Variants in KCNIP4 observed in about 807,000 individuals in gnomAD.
KCNIP4 encodes the protein Kv channel-interacting protein 4.
A neutral mutation model predicts 34.0 loss-of-function variants in KCNIP4; 12 were observed. The ratio of observed to expected loss-of-function variants is 0.35; its 90% CI spans 0.23 to 0.57. The LOEUF (loss-of-function observed/expected upper bound fraction) is 0.57, where lower values mean the gene tolerates loss of function less well. KCNIP4 is among the 20% of genes least tolerant of loss of function. The pLI is 0.83. For synonymous variants in KCNIP4, 124 were observed against 102.2 expected, an observed-to-expected ratio of 1.21 and a Z score of -1.29; for missense variants, 238 against 311.7, an observed-to-expected ratio of 0.76 and a Z score of 1.78.
At chr4:21,895,133 A>T (rs139035565) in intron 1 of KCNIP4, among the ~76,000 whole-genome samples, 1 of 152,276 alleles carries the variant, frequency 6.6e-6, no homozygotes, top group East Asian at 1.9e-4. Flanking sequence ...TTTGATATAG[A>T]TGTCTTGCTA....
intron 1 of KCNIP4, among the ~76,000 whole-genome samples, chr4:21,506,560 T>C (rs540271171): frequency 6.6e-6 from 1 of 152,240 alleles, no homozygotes; most frequent in Non-Finnish European, 1.5e-5. Flanking sequence ...TTTATTCCTG[T>C]CACATCCATT....
chr4:21,787,780 CATT>C (rs1177311168), intron 1 of KCNIP4, among the ~76,000 whole-genome samples: 1 of 152,110 alleles, frequency 6.6e-6, no homozygotes. Context: ...TTGCCTCCAT[CATT>C]AATTGTTCCT....
chr4:21,390,553 A>G (rs1722471699), intron 1 of KCNIP4, among the ~76,000 whole-genome samples: 1 of 152,312 alleles, frequency 6.6e-6, no homozygotes, highest in Middle Eastern at 3.4e-3. Context: ...CATTTATTAA[A>G]TAGGGAATCC....
intron 1 of KCNIP4, among the ~76,000 whole-genome samples, chr4:21,262,831 A>C (rs1178316242): frequency 1.3e-5 from 2 of 152,194 alleles, no homozygotes; most frequent in African/African-American, 4.8e-5. Flanking sequence ...TATATATTGA[A>C]TTTCTTGTTC....
chr4:21,158,886 T>A (rs546862954), intron 1 of KCNIP4, among the ~76,000 whole-genome samples: 13 of 152,238 alleles, frequency 8.5e-5, no homozygotes, highest in Admixed American at 7.8e-4. Flanking sequence ...GAAATCTACA[T>A]AAATATCTAA....
At position 20,894,666 on chromosome 4, in the gene KCNIP4, A is replaced by G. The variant is rs910176897; in HGVS notation, c.62-11957T>C. Among the ~76,000 whole-genome samples, 3 of 152,234 alleles carry G rather than the reference A, an allele frequency of 2.0e-5. No individual in the cohort carries two copies. In the South Asian group the frequency reaches 6.2e-4, roughly 32 times the overall value. ...TTTTTAGCAGAGGAATGATATCATC[A>G]TATAATGTTTTATTCAACAACATTA... is the stretch of plus-strand genomic sequence containing the variant. On this transcript the variant is annotated intron_variant, in intron 1 of 8. Coordinates refer to ENST00000382152, the MANE Select transcript of KCNIP4 (RefSeq NM_025221.6).
At chr4:21,176,360 C>T (rs1178622654) in intron 1 of KCNIP4, among the ~76,000 whole-genome samples, 1 of 152,034 alleles carries the variant, frequency 6.6e-6, no homozygotes, top group Non-Finnish European at 1.5e-5. Flanking sequence ...CAAAAGAGGC[C>T]TGACTGGGGG....
At chr4:21,575,802 C>G (rs761920189) in intron 1 of KCNIP4, among the ~76,000 whole-genome samples, 1 of 152,158 alleles carries the variant, frequency 6.6e-6, no homozygotes, top group Non-Finnish European at 1.5e-5. Flanking sequence ...AAAAGTATCA[C>G]AAATTATATT....
chr4:21,552,722 T>C (rs984364267), intron 1 of KCNIP4, among the ~76,000 whole-genome samples: 2 of 152,118 alleles, frequency 1.3e-5, no homozygotes, highest in African/African-American at 2.4e-5. Flanking sequence ...TAATACTTAG[T>C]TTTTTAGGCT....
chr4:21,860,499 T>TTA (rs1191054557), intron 1 of KCNIP4, among the ~76,000 whole-genome samples: 45 of 149,806 alleles, frequency 3.0e-4, no homozygotes, highest in Non-Finnish European at 4.3e-4. Flanking sequence ...ATTTTAAATG[T>TTA]TATGACTTTT....
At chr4:21,559,327 A>G (rs1446017237) in intron 1 of KCNIP4, among the ~76,000 whole-genome samples, 3 of 152,158 alleles carry the variant, frequency 2.0e-5, no homozygotes. Context: ...ACTGAGTCAC[A>G]AAGTGGAAAC....
intron 1 of KCNIP4, among the ~76,000 whole-genome samples, chr4:21,193,977 G>T (rs990722486): frequency 2.6e-5 from 4 of 152,156 alleles, no homozygotes; most frequent in African/African-American, 4.8e-5. Flanking sequence ...GCTTTTCATT[G>T]TGTAAAGGGG....
intron 1 of KCNIP4, among the ~76,000 whole-genome samples, chr4:20,964,737 GC>G (rs1734180303): frequency 6.6e-6 from 1 of 152,038 alleles, no homozygotes; most frequent in African/African-American, 2.4e-5. Flanking sequence ...ATCATCTTTG[GC>G]TTATTTAAAA....
intron 1 of KCNIP4, among the ~76,000 whole-genome samples, chr4:21,834,854 G>T (rs1312904951): frequency 6.6e-6 from 1 of 152,158 alleles, no homozygotes; most frequent in Non-Finnish European, 1.5e-5. Context: ...AGATAATCAT[G>T]TGGTTTTTGT....
chr4:21,733,165 G>A (rs1023961378), intron 1 of KCNIP4, among the ~76,000 whole-genome samples: 2 of 151,964 alleles, frequency 1.3e-5, no homozygotes, highest in East Asian at 1.9e-4. Context: ...CATTTTTTAT[G>A]CGCCAATCCC....
At chr4:21,157,343 CTTT>C (rs34510333) in intron 1 of KCNIP4, among the ~76,000 whole-genome samples, 5 of 149,734 alleles carry the variant, frequency 3.3e-5, no homozygotes, top group Admixed American at 2.0e-4. Flanking sequence ...TCAATGTATT[CTTT>C]TTTTTTTTTC....
At position 21,604,822 on chromosome 4, in the gene KCNIP4, T is replaced by A. The variant is rs565106312; in HGVS notation, c.61+343749A>T. Among the ~76,000 whole-genome samples, 9 of 152,298 alleles carry A rather than the reference T, an allele frequency of 5.9e-5. No individual in the cohort carries two copies. In the South Asian group the frequency reaches 1.9e-3, roughly 32 times the overall value. On this transcript the variant is annotated intron_variant, in intron 1 of 8. Transcript: ENST00000382152. ...TGAAAATCACTGTGGGACAAAGATA[T>A]TGAAAGACAAACTAGAAAAGTAAAG...
rs116865812 is a variant in KCNIP4 at position 21,544,044 on chromosome 4, G to A, written c.61+404527C>T. 6.4e-4 allele frequency among the ~76,000 whole-genome samples: 98 copies of A among 152,172 alleles called. 1 individual carries two copies. The East Asian group carries it at 0.019, about 29-fold the overall frequency. On this transcript the variant is annotated intron_variant, in intron 1 of 8. Transcript: ENST00000382152. ...ATTGATTTATTTTCTGCCTATATAA[G>A]CAAGACCTTAACTTTTAACATCTGA...
At chr4:20,783,614 C>T (rs1389266276) in intron 3 of KCNIP4, among the ~76,000 whole-genome samples, 7 of 152,126 alleles carry the variant, frequency 4.6e-5, no homozygotes, top group South Asian at 2.1e-4. Context: ...CCCACTGGGT[C>T]GCTCCCACAA....
Sources: allele counts gnomAD v4.1 joint callset (sites outside exome capture counted in the v4.1 genomes callset), GRCh38; gene constraint gnomAD v4.1.1; transcripts MANE v1.5; gene names NCBI Gene and HGNC (gene_info 2026-07-23, HGNC 2026-07-21).